Variants in CSMD1 observed in about 807,000 individuals in gnomAD.
CSMD1 encodes CUB and Sushi multiple domains 1, also known as CUB and sushi domain-containing protein 1.
CSMD1 carries 213 observed loss-of-function variants against 417.5 expected under a neutral mutation model. The ratio of observed to expected loss-of-function variants is 0.51; its 90% CI spans 0.46 to 0.57. The LOEUF (loss-of-function observed/expected upper bound fraction) is 0.57, where lower values mean the gene tolerates loss of function less well. Among genes scored for constraint, CSMD1 ranks in the 20% least tolerant of loss-of-function variants. The pLI, the probability that CSMD1 is intolerant of heterozygous loss-of-function variation, is 0.00. For missense variants in CSMD1, 6,923 were observed against 4,529.7 expected, an observed-to-expected ratio of 1.53 and a Z score of -15.17; for synonymous variants, 2,862 against 1,736.8, an observed-to-expected ratio of 1.65 and a Z score of -16.11.
chr8:3,185,790 G>A (rs2730048), intron 36 of CSMD1, among the ~76,000 whole-genome samples: 68,720 of 151,958 alleles, frequency 0.45, 15,710 homozygotes, highest in South Asian at 0.58. Context: ...GCTAGGAATT[G>A]TGCATGACAC....
intron 10 of CSMD1, among the ~76,000 whole-genome samples, chr8:3,503,148 A>G (rs1499698): frequency 0.52 from 78,504 of 152,062 alleles, 20,630 homozygotes; most frequent in Middle Eastern, 0.57. Context: ...GTGAAATTAC[A>G]AAGACTGAAT....
At chr8:3,049,437 G>A (rs908900791) in intron 50 of CSMD1, among the ~76,000 whole-genome samples, 1 of 152,216 alleles carries the variant, frequency 6.6e-6, no homozygotes, top group Non-Finnish European at 1.5e-5. Context: ...GCAAAATCAT[G>A]GAGGAAACTT....
chr8:4,149,880 C>G (rs996397459), intron 3 of CSMD1, among the ~76,000 whole-genome samples: 4 of 152,012 alleles, frequency 2.6e-5, no homozygotes, highest in African/African-American at 9.7e-5. Context: ...GTAAGCTGAC[C>G]CAGGTCCACT....
intron 3 of CSMD1, among the ~76,000 whole-genome samples, chr8:4,221,964 C>A (rs1044801440): frequency 6.6e-6 from 1 of 152,136 alleles, no homozygotes; most frequent in Admixed American, 6.5e-5. Flanking sequence ...GCACATCCAT[C>A]TGCAATGGAG....
At chr8:3,967,894 G>A (rs1323165554) in intron 5 of CSMD1, among the ~76,000 whole-genome samples, 3 of 151,458 alleles carry the variant, frequency 2.0e-5, no homozygotes, top group Admixed American at 6.6e-5. Context: ...TTGGCCGGGC[G>A]CAGTGGCTCA....
At chr8:4,305,379 G>C (rs1024204585) in intron 3 of CSMD1, among the ~76,000 whole-genome samples, 2 of 152,134 alleles carry the variant, frequency 1.3e-5, no homozygotes, top group African/African-American at 2.4e-5. Context: ...TGCAGGGATA[G>C]AGCAAGAGAT....
chr8:4,793,788 C>G (rs985573191), intron 1 of CSMD1, among the ~76,000 whole-genome samples: 2 of 135,014 alleles, frequency 1.5e-5, no homozygotes, highest in East Asian at 2.2e-4. Context: ...CTTTCTATGA[C>G]AAATCATGGT....
chr8:4,538,759 A>T (rs760484876), intron 2 of CSMD1, among the ~76,000 whole-genome samples: 25 of 152,228 alleles, frequency 1.6e-4, no homozygotes, highest in Admixed American at 7.9e-4. Context: ...AAGGGATTTG[A>T]TGAAGTTAGT....
intron 2 of CSMD1, among the ~76,000 whole-genome samples, chr8:4,493,532 C>G (rs944479946): frequency 6.6e-6 from 1 of 151,938 alleles, no homozygotes; most frequent in Non-Finnish European, 1.5e-5. Context: ...CCCATCTCTA[C>G]GAAAACATTT....
intron 3 of CSMD1, among the ~76,000 whole-genome samples, chr8:4,362,583 C>T (rs1435703028): frequency 3.3e-5 from 5 of 152,138 alleles, no homozygotes; most frequent in Non-Finnish European, 7.3e-5. Flanking sequence ...TGAAGTGTAG[C>T]ACAAAATAGC....
At chr8:3,814,771 C>G (rs749813848) in intron 5 of CSMD1, among the ~76,000 whole-genome samples, 3 of 152,138 alleles carry the variant, frequency 2.0e-5, no homozygotes, top group Non-Finnish European at 2.9e-5. Flanking sequence ...ATGGACTATT[C>G]TGCCACGATT....
chr8:4,978,212 G>A (rs1166801945), intron 1 of CSMD1, among the ~76,000 whole-genome samples: 1 of 152,162 alleles, frequency 6.6e-6, no homozygotes, highest in African/African-American at 2.4e-5. Flanking sequence ...GGATCTCACA[G>A]ATAGAGACCC....
At chr8:4,823,965 C>G (rs973665331) in intron 1 of CSMD1, among the ~76,000 whole-genome samples, 12 of 151,870 alleles carry the variant, frequency 7.9e-5, no homozygotes, top group Admixed American at 7.2e-4. Context: ...TAAGTGCACA[C>G]ATACACACCC....
chr8:3,155,658 C>T lies in CSMD1; in HGVS notation c.5914+2239G>A, dbSNP rs563254684. On this transcript the variant is annotated intron_variant, in intron 39 of 69. Coordinates refer to ENST00000635120, the MANE Select transcript of CSMD1 (RefSeq NM_033225.6). ...CTGGGATTACAGGCGTGAGCCACCG[C>T]GCCCGGTCAAGGCTGGGATTTTAAA... Among the ~76,000 whole-genome samples, 15 of 151,286 alleles carry T rather than the reference C, an allele frequency of 9.9e-5. No homozygotes were observed. The South Asian group carries it at 1.0e-3, about 11-fold the overall frequency.
intron 2 of CSMD1, among the ~76,000 whole-genome samples, chr8:4,438,235 C>A (rs971496403): frequency 6.6e-6 from 1 of 152,140 alleles, no homozygotes; most frequent in Admixed American, 6.5e-5. Context: ...TCAACCCAAG[C>A]CGTCTTGTTT....
chr8:4,706,860 C>G (rs1334620178), intron 1 of CSMD1, among the ~76,000 whole-genome samples: 1 of 152,176 alleles, frequency 6.6e-6, no homozygotes, highest in Admixed American at 6.5e-5. Context: ...AAACTTCTTA[C>G]AAGTAGCAAG....
intron 26 of CSMD1, among the ~76,000 whole-genome samples, chr8:3,240,640 G>C (rs1799437190): frequency 6.6e-6 from 1 of 152,090 alleles, no homozygotes; most frequent in Admixed American, 6.5e-5. Context: ...GTCAGTCCAA[G>C]AGAAAGTGAA....
intron 1 of CSMD1, among the ~76,000 whole-genome samples, chr8:4,929,638 T>C (rs916959933): frequency 1.3e-5 from 2 of 152,160 alleles, no homozygotes; most frequent in African/African-American, 4.8e-5. Context: ...TTTCATCTGA[T>C]TCAATTAACT....
chr8:4,474,109 G>A (rs186061533), intron 2 of CSMD1, among the ~76,000 whole-genome samples: 1 of 152,162 alleles, frequency 6.6e-6, no homozygotes, highest in African/African-American at 2.4e-5. Flanking sequence ...TACACAAAAA[G>A]AAACTAGAGA....
Sources: gnomAD v4.1 joint callset for allele counts (sites outside exome capture counted in the v4.1 genomes callset) on GRCh38, gnomAD v4.1.1 for gene constraint, MANE v1.5 for transcripts, NCBI Gene and HGNC (gene_info 2026-07-23, HGNC 2026-07-21) for gene names.